The following PCDHGA8 variants were observed in gnomAD, a reference collection of about 807,000 sequenced individuals.
PCDHGA8 encodes protocadherin gamma subfamily A, 8.
In PCDHGA8, 45 loss-of-function variants were observed where a neutral mutation model predicts 59.2. The ratio of observed to expected loss-of-function variants is 0.76; its 90% CI spans 0.60 to 0.98. The LOEUF is 0.98. Ranked by LOEUF, PCDHGA8 falls within the 50% of genes least tolerant of loss-of-function variation. The pLI is 0.00. For synonymous variants in PCDHGA8, 531 were observed against 519.0 expected (o/e 1.02, Z -0.32); for missense variants, 1,257 against 1,196.2 (o/e 1.05, Z -0.75).
At chr5:141,483,743 C>G (rs1360515518) in intron 1 of PCDHGA8, among the ~76,000 whole-genome samples, 2 of 152,022 alleles carry the variant, frequency 1.3e-5, no homozygotes, top group Non-Finnish European at 2.9e-5. Context: ...AAAGGATATT[C>G]CTGAGGATCG....
chr5:141,477,634 G>C lies in PCDHGA8; in HGVS notation c.2425-17173G>C. 2 of 1,614,176 alleles carry C rather than the reference G, an allele frequency of 1.2e-6. No individual in the cohort carries two copies. Among genetic ancestry groups the C allele is most frequent in the Non-Finnish European group, 1.7e-6 (2 of 1,180,034 alleles). On this transcript the variant is annotated intron_variant, in intron 1 of 3. Transcript: ENST00000398604. This position sits in a 1 kb window ranked among gnomAD's most constrained non-coding sequence, Gnocchi z 4.9. Reference sequence around the variant, plus strand: ...AGCAAGGAGCTGAAACCGGGCTAGTGGGTCGCTATTTCACAATAAATCGTG... The same window carrying C: ...AGCAAGGAGCTGAAACCGGGCTAGTCGGTCGCTATTTCACAATAAATCGTG...
At chr5:141,434,521 T>G (rs2097700467) in intron 1 of PCDHGA8, among the ~76,000 whole-genome samples, 1 of 152,202 alleles carries the variant, frequency 6.6e-6, no homozygotes, top group Non-Finnish European at 1.5e-5. Flanking sequence ...AAAGGTGTTC[T>G]TAAACCACAA....
At position 141,490,852 on chromosome 5, in the gene PCDHGA8, G is replaced by A. The variant is rs759198428; in HGVS notation, c.2425-3955G>A. 2 of 1,613,896 alleles carry A rather than the reference G, an allele frequency of 1.2e-6. No individual in the cohort carries two copies. Among genetic ancestry groups the A allele is most frequent in the Non-Finnish European group, 1.7e-6 (2 of 1,179,928 alleles). ...GCTGCAGATTGTGGTGGGGGTTCGA[G>A]ACTCCGGCTCTCCCCCATTGCATGC... On this transcript the variant is annotated intron_variant, in intron 1 of 3. Transcript: ENST00000398604. The surrounding 1 kb of genome is among the most constrained non-coding windows in gnomAD (Gnocchi z 5.4).
chr5:141,412,592 C>T (rs1472116158), intron 1 of PCDHGA8: 1 of 152,048 alleles, frequency 6.6e-6, no homozygotes, highest in African/African-American at 2.4e-5. Context: ...TGAATGTATA[C>T]TAAATAAAAT....
chr5:141,482,736 C>T (rs897817817), intron 1 of PCDHGA8, among the ~76,000 whole-genome samples: 6 of 152,056 alleles, frequency 3.9e-5, no homozygotes, highest in African/African-American at 1.2e-4. Context: ...GCAAGAAATT[C>T]CATGCAGAGG....
chr5:141,480,414 CA>C (rs10712552), intron 1 of PCDHGA8, among the ~76,000 whole-genome samples: 43,347 of 147,074 alleles, frequency 0.29, 6,620 homozygotes, highest in African/African-American at 0.4. Flanking sequence ...GACCCTGTCT[CA>C]AAAAAAAAAA....
At chr5:141,416,761 C>G (rs1371541017) in intron 1 of PCDHGA8, 2 of 152,140 alleles carry the variant, frequency 1.3e-5, no homozygotes, top group Non-Finnish European at 2.9e-5. Context: ...AGGTAGATCT[C>G]TTAATTTTAT....
At position 141,460,518 on chromosome 5, in the gene PCDHGA8, C is replaced by T. The variant is rs190277142; in HGVS notation, c.2425-34289C>T. ...AAATATGCTGAGAAGGCTATCTTTT[C>T]CCCACCAAATAATCTTAGCACCTTA... On this transcript the variant is annotated intron_variant, in intron 1 of 3. Coordinates refer to ENST00000398604, the MANE Select transcript of PCDHGA8 (RefSeq NM_032088.2). Among the ~76,000 whole-genome samples, 53 of 152,196 alleles carry T rather than the reference C, an allele frequency of 3.5e-4. 1 individual carries two copies. Among genetic ancestry groups the T allele is most frequent in the African/African-American group, 1.2e-3 (50 of 41,522 alleles).
intron 1 of PCDHGA8, chr5:141,421,468 C>G: frequency 1.2e-6 from 2 of 1,614,096 alleles, no homozygotes; most frequent in Non-Finnish European, 1.7e-6. Flanking sequence ...TGTGAATCCG[C>G]GAAGCGGCAG....
chr5:141,457,168 C>T (rs10072917), intron 1 of PCDHGA8, among the ~76,000 whole-genome samples: 42,426 of 152,004 alleles, frequency 0.28, 6,644 homozygotes, highest in African/African-American at 0.43. Context: ...ATGGATAACC[C>T]TATTGCAAAT....
At chr5:141,423,095 A>G (rs2096708889) in intron 1 of PCDHGA8, 3 of 1,613,978 alleles carry the variant, frequency 1.9e-6, no homozygotes, top group Non-Finnish European at 2.5e-6. Flanking sequence ...GTGGGGGAGC[A>G]CACGGGCGAG....
intron 1 of PCDHGA8, among the ~76,000 whole-genome samples, chr5:141,450,572 T>C (rs1276283357): frequency 6.6e-6 from 1 of 151,710 alleles, no homozygotes; most frequent in Non-Finnish European, 1.5e-5. Context: ...CTGCAACTTC[T>C]GCCTCCCAGG....
At position 141,477,505 on chromosome 5, in the gene PCDHGA8, C is replaced by T. The variant is rs2099412175; in HGVS notation, c.2425-17302C>T. The T allele has an allele frequency of 5.0e-6, 8 of 1,614,126 alleles. No individual in the cohort carries two copies. Among genetic ancestry groups the T allele is most frequent in the Admixed American group, 1.7e-5 (1 of 60,024 alleles). On this transcript the variant is annotated intron_variant, in intron 1 of 3. Transcript: ENST00000398604. This position sits in a 1 kb window ranked among gnomAD's most constrained non-coding sequence, Gnocchi z 4.9. ...CACAATCTTCTCAATCTTCCTACGACGTTTACATTGAAGAAAACAACCTCC... is the reference window on the plus strand; with the variant it reads ...CACAATCTTCTCAATCTTCCTACGATGTTTACATTGAAGAAAACAACCTCC...
At chr5:141,448,263 A>G (rs2098578874) in intron 1 of PCDHGA8, among the ~76,000 whole-genome samples, 1 of 152,088 alleles carries the variant, frequency 6.6e-6, no homozygotes, top group Non-Finnish European at 1.5e-5. Flanking sequence ...ATTTTACAGT[A>G]TATATACTGT....
At chr5:141,481,732 T>G (rs549671056) in intron 1 of PCDHGA8, among the ~76,000 whole-genome samples, 33 of 151,884 alleles carry the variant, frequency 2.2e-4, no homozygotes, top group Non-Finnish European at 4.3e-4. Context: ...GGCGGGCGGA[T>G]CACGAGGTCA....
chr5:141,492,111 C>T (rs2154587044), intron 1 of PCDHGA8, among the ~76,000 whole-genome samples: 1 of 152,320 alleles, frequency 6.6e-6, no homozygotes, highest in South Asian at 2.1e-4. Context: ...ATTTCCTCTT[C>T]GATTTCTCCC....
At chr5:141,460,502 G>A (rs1300155108) in intron 1 of PCDHGA8, among the ~76,000 whole-genome samples, 1 of 152,094 alleles carries the variant, frequency 6.6e-6, no homozygotes, top group Non-Finnish European at 1.5e-5. Flanking sequence ...AAAATATGCT[G>A]AGAAGGCTAT....
intron 1 of PCDHGA8, among the ~76,000 whole-genome samples, chr5:141,483,322 G>C (rs1325809962): frequency 1.3e-5 from 2 of 152,110 alleles, no homozygotes. Flanking sequence ...TGGGACTGGA[G>C]GCAAAGAGAT....
chr5:141,429,851 TC>T (rs1447325775), intron 1 of PCDHGA8, among the ~76,000 whole-genome samples: 2 of 152,224 alleles, frequency 1.3e-5, no homozygotes, highest in African/African-American at 4.8e-5. Context: ...TCTGTAACAT[TC>T]TTTGGACTAC....
Sources: allele counts gnomAD v4.1 joint callset (sites outside exome capture counted in the v4.1 genomes callset), GRCh38; gene constraint gnomAD v4.1.1; non-coding constraint Gnocchi (gnomAD v3.1); transcripts MANE v1.5; gene names NCBI Gene and HGNC (gene_info 2026-07-23, HGNC 2026-07-21).